NUP160: variants seen among roughly 807,000 people sequenced by gnomAD.
NUP160 encodes nuclear pore complex protein Nup160.
Under a neutral mutation model 196.9 loss-of-function variants are expected in NUP160, and 94 were observed. The ratio of observed to expected loss-of-function variants is 0.48; its 90% confidence interval spans 0.40 to 0.57. The LOEUF (loss-of-function observed/expected upper bound fraction) is 0.57. NUP160 is among the 20% of genes least tolerant of loss of function. NUP160 has a pLI of 0.00. For missense variants in NUP160, 1,638 were observed against 1,748.3 expected, an observed-to-expected ratio of 0.94 and a Z score of 1.13; for synonymous variants, 605 against 619.7, an observed-to-expected ratio of 0.98 and a Z score of 0.35.
chr11:47,826,066 CTG>C lies in NUP160; in HGVS notation c.1102-3904_1102-3903del, dbSNP rs1357608934. Among the ~76,000 whole-genome samples, 5 of 152,058 alleles carry C rather than the reference CTG, an allele frequency of 3.3e-5. No homozygotes were observed. The East Asian group carries it at 9.6e-4, about 29-fold the overall frequency. On this transcript the variant is annotated intron_variant, in intron 7 of 35. Coordinates refer to ENST00000378460, the Ensembl canonical transcript of NUP160. ...TGCTTATATCCATTGTAGCCTGAAC[CTG>C]TGTTTTAAAACCTACAAATCTCAAT...
intron 32 of NUP160, among the ~76,000 whole-genome samples, chr11:47,786,000 G>A (rs531973567): frequency 3.3e-5 from 5 of 152,314 alleles, no homozygotes; most frequent in Admixed American, 1.3e-4. Context: ...GGAAGTATAC[G>A]AACCAGAGGA....
chr11:47,835,555 G>A (rs756784560), intron 7 of NUP160, 96 bp downstream of exon 7: 62 of 988,482 alleles, frequency 6.3e-5, no homozygotes, highest in Non-Finnish European at 8.0e-5. Context: ...CATCTAGGTC[G>A]GTGAAAAGAG....
At chr11:47,808,692 C>T (rs527523862) in intron 17 of NUP160, among the ~76,000 whole-genome samples, 163 bp from the exon 18 acceptor site, 4 of 152,266 alleles carry the variant, frequency 2.6e-5, no homozygotes, top group South Asian at 4.1e-4. Context: ...AAAATATCTT[C>T]CCAAACATTA....
chr11:47,840,228 T>C, intron 3 of NUP160, 150 bp downstream of exon 3: 1 of 839,426 alleles, frequency 1.2e-6, no homozygotes, highest in Non-Finnish European at 2.0e-6. Flanking sequence ...GTATGCCTGA[T>C]CATTTTAAGC....
intron 34 of NUP160, among the ~76,000 whole-genome samples, chr11:47,782,306 ATAT>A (rs2097661739): frequency 8.0e-4 from 34 of 42,314 alleles, no homozygotes; most frequent in African/African-American, 2.5e-3. Flanking sequence ...AAAAAAAAAT[ATAT>A]ATATATATAT....
chr11:47,794,314 A>G (rs1455785853), intron 27 of NUP160, among the ~76,000 whole-genome samples: 5 of 152,106 alleles, frequency 3.3e-5, no homozygotes, highest in African/African-American at 1.2e-4. Flanking sequence ...CAACAGGGTG[A>G]AACCCCGTCT....
At chr11:47,834,555 C>G (rs372163146) in intron 7 of NUP160, among the ~76,000 whole-genome samples, 7 of 152,120 alleles carry the variant, frequency 4.6e-5, no homozygotes, top group Admixed American at 1.3e-4. Context: ...TGTTCCTGAG[C>G]AATCCAATCT....
chr11:47,813,094 T>C, intron 14 of NUP160, 47 bp from the exon 15 acceptor site: 3 of 1,328,272 alleles, frequency 2.3e-6, no homozygotes, highest in Admixed American at 1.9e-5. Context: ...CCAATGACAA[T>C]CTATTGATTG....
chr11:47,824,202 A>AC (rs925839368), intron 7 of NUP160, among the ~76,000 whole-genome samples: 3 of 151,602 alleles, frequency 2.0e-5, no homozygotes, highest in Non-Finnish European at 4.4e-5. Flanking sequence ...AACAACAACA[A>AC]AAGAGTTCTA....
At chr11:47,806,388 T>C (rs974309702) in intron 19 of NUP160, 76 bp from the exon 20 acceptor site, 5 of 1,184,308 alleles carry the variant, frequency 4.2e-6, no homozygotes. Flanking sequence ...TATCAATTCA[T>C]TTTATGCTTG....
intron 15 of NUP160, 103 bp downstream of exon 15, chr11:47,812,779 G>T: frequency 1.1e-6 from 1 of 888,152 alleles, no homozygotes; most frequent in Non-Finnish European, 1.7e-6. Flanking sequence ...TTGACTTTAA[G>T]CTACTATTCT....
At chr11:47,834,210 T>C (rs896369273) in intron 7 of NUP160, among the ~76,000 whole-genome samples, 1 of 151,892 alleles carries the variant, frequency 6.6e-6, no homozygotes, top group African/African-American at 2.4e-5. Flanking sequence ...TATAATAGGG[T>C]CCCGAGACCA....
chr11:47,789,021 C>T (rs1415636986), intron 29 of NUP160, among the ~76,000 whole-genome samples: 2 of 151,930 alleles, frequency 1.3e-5, no homozygotes, highest in African/African-American at 2.4e-5. Flanking sequence ...GGATTACAGG[C>T]GTGCACCACC....
intron 7 of NUP160, among the ~76,000 whole-genome samples, chr11:47,830,516 A>G (rs187958105): frequency 1.3e-5 from 2 of 152,356 alleles, no homozygotes; most frequent in Middle Eastern, 3.4e-3. Flanking sequence ...ATCATGGAAT[A>G]TATGCAGCCA....
intron 35 of NUP160, among the ~76,000 whole-genome samples, 163 bp from the exon 36 acceptor site, chr11:47,779,357 C>G (rs2097659313): frequency 6.6e-6 from 1 of 152,142 alleles, no homozygotes; most frequent in African/African-American, 2.4e-5. Context: ...CTCTGTGACT[C>G]TACTGATAAA....
At chr11:47,843,313 G>A (rs756955541) in intron 2 of NUP160, among the ~76,000 whole-genome samples, 119 of 152,122 alleles carry the variant, frequency 7.8e-4, no homozygotes, top group Non-Finnish European at 1.2e-3. Flanking sequence ...GGTCATCAAT[G>A]ACCTCCATGA....
At chr11:47,847,916 G>C in exon 2 of NUP160, 2 of 1,614,072 alleles carry the variant, frequency 1.2e-6, no homozygotes, top group Non-Finnish European at 1.7e-6. Context: ...AGCCTCCCGC[G>C]CTTTCACTGT....
intron 5 of NUP160, among the ~76,000 whole-genome samples, chr11:47,837,239 TAACCATCAAA>T (rs936784279): frequency 2.0e-5 from 3 of 152,190 alleles, no homozygotes; most frequent in African/African-American, 7.2e-5. Flanking sequence ...TGTTTTCCTG[TAACCATCAAA>T]AACTTTCTAT....
At chr11:47,780,791 C>T (rs1309637364) in intron 34 of NUP160, among the ~76,000 whole-genome samples, 2 of 152,004 alleles carry the variant, frequency 1.3e-5, no homozygotes, top group Non-Finnish European at 2.9e-5. Context: ...ATCCACCTGC[C>T]TTGGCCTCCG....
Sources: allele counts gnomAD v4.1 joint callset (sites outside exome capture counted in the v4.1 genomes callset), GRCh38; gene constraint gnomAD v4.1.1; transcripts MANE v1.5; gene names NCBI Gene and HGNC (gene_info 2026-07-23, HGNC 2026-07-21).